Variants in KCNIP4 observed in about 807,000 individuals in gnomAD.
The protein encoded by KCNIP4 is Kv channel-interacting protein 4.
Under a neutral mutation model 34.0 loss-of-function variants are expected in KCNIP4, and 12 were observed. The observed-to-expected ratio is 0.35, with a 90% confidence interval of 0.23 to 0.57. KCNIP4 has a LOEUF of 0.57. KCNIP4 is among the 20% of genes least tolerant of loss of function. The pLI, the probability that KCNIP4 is intolerant of heterozygous loss-of-function variation, is 0.83. For synonymous variants in KCNIP4, 124 were observed against 102.2 expected, an observed-to-expected ratio of 1.21 and a Z score of -1.29; for missense variants, 238 against 311.7, an observed-to-expected ratio of 0.76 and a Z score of 1.78.
In KCNIP4 at chr4:21,268,868, G is replaced by C. The variant is rs144117436; in HGVS notation, c.62-386159C>G. 2.0e-5 allele frequency among the ~76,000 whole-genome samples: 3 copies of C among 152,364 alleles called. No individual in the cohort carries two copies. The East Asian group carries it at 5.8e-4, about 29-fold the overall frequency. On this transcript the variant is annotated intron_variant, in intron 1 of 8. Transcript: ENST00000382152. ...ACTATGGCTAAAGCCAAGACGTAAAGAATGAGGATGTTTGACCTAGGCTAA... is the reference window on the plus strand; with the variant it reads ...ACTATGGCTAAAGCCAAGACGTAAACAATGAGGATGTTTGACCTAGGCTAA...
intron 1 of KCNIP4, among the ~76,000 whole-genome samples, chr4:21,259,885 C>CTGTGTGTGTG (rs4054880): frequency 0.11 from 16,711 of 145,820 alleles, 1,013 homozygotes; most frequent in Non-Finnish European, 0.14. Context: ...GCGCCCAAGA[C>CTGTGTGTGTG]TGTGTGTGTG....
intron 1 of KCNIP4, among the ~76,000 whole-genome samples, chr4:21,556,035 G>A (rs1340162498): frequency 6.6e-6 from 1 of 152,062 alleles, no homozygotes; most frequent in Non-Finnish European, 1.5e-5. Context: ...GGTTTTTTGT[G>A]CCTCAATATC....
At chr4:21,481,680 G>C (rs941078627) in intron 1 of KCNIP4, among the ~76,000 whole-genome samples, 26 of 152,238 alleles carry the variant, frequency 1.7e-4, no homozygotes, top group African/African-American at 5.8e-4. Context: ...ATGGATTCCA[G>C]CCTACTGCGA....
chr4:20,789,423 C>T (rs1207154641), intron 3 of KCNIP4, among the ~76,000 whole-genome samples: 1 of 152,052 alleles, frequency 6.6e-6, no homozygotes, highest in Non-Finnish European at 1.5e-5. Flanking sequence ...ATACAACTTT[C>T]TAAAAATAAT....
At chr4:21,862,821 C>T (rs912862445) in intron 1 of KCNIP4, among the ~76,000 whole-genome samples, 2 of 151,996 alleles carry the variant, frequency 1.3e-5, no homozygotes, top group South Asian at 2.1e-4. Context: ...ATTAGCCGGG[C>T]GTGGTGGCAG....
chr4:21,624,393 G>A (rs1350356137), intron 1 of KCNIP4, among the ~76,000 whole-genome samples: 1 of 152,070 alleles, frequency 6.6e-6, no homozygotes, highest in African/African-American at 2.4e-5. Flanking sequence ...TACACTAAGT[G>A]AAAATGTCAC....
intron 1 of KCNIP4, among the ~76,000 whole-genome samples, chr4:21,445,027 GC>G (rs1210608191): frequency 6.6e-6 from 1 of 152,104 alleles, no homozygotes; most frequent in Non-Finnish European, 1.5e-5. Context: ...ATTCACAATT[GC>G]TTCAAAGAGA....
At chr4:21,415,877 A>G (rs1157263144) in intron 1 of KCNIP4, among the ~76,000 whole-genome samples, 1 of 152,218 alleles carries the variant, frequency 6.6e-6, no homozygotes, top group East Asian at 1.9e-4. Flanking sequence ...AGCAGAGTGA[A>G]TGAAGAGGAG....
chr4:21,712,277 T>C lies in KCNIP4; in HGVS notation c.61+236294A>G, dbSNP rs1415785534. Among the ~76,000 whole-genome samples the C allele has an allele frequency of 3.3e-5, 5 of 152,294 alleles. No homozygotes were observed. In the East Asian group the frequency reaches 9.6e-4, roughly 29 times the overall value. ...GATACCATACTGTATTTAGGGAATT[T>C]ACCAAGATAGAGCTGGCTTTATTGT... On this transcript the variant is annotated intron_variant, in intron 1 of 8. Transcript: ENST00000382152.
chr4:21,640,340 G>A (rs1223654885), intron 1 of KCNIP4, among the ~76,000 whole-genome samples: 4 of 152,056 alleles, frequency 2.6e-5, no homozygotes, highest in Non-Finnish European at 5.9e-5. Context: ...TGTATTTTCC[G>A]GCAGACAAAA....
At chr4:21,855,929 T>G (rs1260290329) in intron 1 of KCNIP4, among the ~76,000 whole-genome samples, 1 of 152,234 alleles carries the variant, frequency 6.6e-6, no homozygotes, top group East Asian at 1.9e-4. Flanking sequence ...CTTTTAAAAT[T>G]TAAATCAATT....
chr4:21,784,254 G>T (rs778683714), intron 1 of KCNIP4, among the ~76,000 whole-genome samples: 1 of 152,086 alleles, frequency 6.6e-6, no homozygotes, highest in African/African-American at 2.4e-5. Flanking sequence ...TGAGATGAGA[G>T]TTGGATGGGG....
chr4:21,447,091 A>T (rs988469103), intron 1 of KCNIP4, among the ~76,000 whole-genome samples: 1 of 152,168 alleles, frequency 6.6e-6, no homozygotes, highest in Non-Finnish European at 1.5e-5. Flanking sequence ...TGCCATAGAC[A>T]TATTAGCCAA....
intron 1 of KCNIP4, among the ~76,000 whole-genome samples, chr4:21,261,471 A>C (rs1053753383): frequency 1.3e-5 from 2 of 152,180 alleles, no homozygotes; most frequent in Non-Finnish European, 2.9e-5. Flanking sequence ...CCTTCCACTG[A>C]ATCAATTACA....
intron 1 of KCNIP4, among the ~76,000 whole-genome samples, chr4:21,725,958 T>C (rs1715164473): frequency 6.6e-6 from 1 of 152,164 alleles, no homozygotes; most frequent in Non-Finnish European, 1.5e-5. Flanking sequence ...AAAGGAAATC[T>C]ATCACTGATG....
Position 21,397,915 on chromosome 4 carries a change from G to T in KCNIP4, c.62-515206C>A, listed in dbSNP as rs189316606. Among the ~76,000 whole-genome samples the T allele has an allele frequency of 1.5e-3, 235 of 152,226 alleles. 1 individual carries two copies. The highest frequency in any genetic ancestry group is 2.6e-3 in the Non-Finnish European group (174 of 68,010). ...ATGACATGTTATTCTAAGATGACTG[G>T]GTACAGAAAATCTCGTCAGCTCTTA... On this transcript the variant is annotated intron_variant, in intron 1 of 8. Coordinates refer to ENST00000382152, the MANE Select transcript of KCNIP4 (RefSeq NM_025221.6).
intron 1 of KCNIP4, among the ~76,000 whole-genome samples, chr4:21,288,594 T>C (rs960168914): frequency 6.6e-6 from 1 of 152,198 alleles, no homozygotes; most frequent in Non-Finnish European, 1.5e-5. Flanking sequence ...TATTATTATC[T>C]TCTTTTTACT....
At chr4:21,539,030 G>T (rs1380589199) in intron 1 of KCNIP4, among the ~76,000 whole-genome samples, 1 of 152,120 alleles carries the variant, frequency 6.6e-6, no homozygotes, top group Non-Finnish European at 1.5e-5. Flanking sequence ...GCTTAAAAGT[G>T]GCAGTTTCCC....
intron 1 of KCNIP4, among the ~76,000 whole-genome samples, chr4:21,928,984 G>C (rs1414574968): frequency 1.3e-5 from 2 of 152,018 alleles, no homozygotes; most frequent in African/African-American, 4.8e-5. Context: ...CTCTTAGAGA[G>C]ACATATACAG....
Sources: allele counts gnomAD v4.1 joint callset (sites outside exome capture counted in the v4.1 genomes callset), GRCh38; gene constraint gnomAD v4.1.1; transcripts MANE v1.5; gene names NCBI Gene and HGNC (gene_info 2026-07-23, HGNC 2026-07-21).